Variants in LRTM3 observed in about 807,000 individuals in gnomAD.
LRTM3 encodes the protein leucine-rich repeat transmembrane protein 3.
chr13:102,757,146 G>C, the LRTM3 span, among the ~76,000 whole-genome samples: 6 of 152,154 alleles, frequency 3.9e-5, no homozygotes, highest in Non-Finnish European at 4.4e-5. Context: ...CTGACATGCT[G>C]TAGCTTGTGC....
At chr13:102,742,158 G>A in the LRTM3 span, 7 of 1,550,228 alleles carry the variant, frequency 4.5e-6, no homozygotes, top group East Asian at 4.9e-5. Flanking sequence ...TTTAGAACTC[G>A]ATGTACTGCA....
At chr13:102,730,127 G>T in the LRTM3 span, 2 of 1,549,956 alleles carry the variant, frequency 1.3e-6, no homozygotes, top group South Asian at 1.2e-5. Flanking sequence ...CTTACAGGAA[G>T]GTGGTGTAAT....
the LRTM3 span, among the ~76,000 whole-genome samples, chr13:102,755,931 G>A: frequency 0.76 from 87,207 of 115,024 alleles, 30,331 homozygotes; most frequent in East Asian, 0.85. Context: ...GTGTGTGTGT[G>A]TATATATATA....
chr13:102,738,153 G>C, the LRTM3 span: 4 of 1,550,864 alleles, frequency 2.6e-6, no homozygotes, highest in African/African-American at 5.5e-5. Flanking sequence ...TCCTGTGAAA[G>C]TGCCTTCTTT....
chr13:102,751,342 T>TACACACACACAC, the LRTM3 span, among the ~76,000 whole-genome samples: 21 of 142,114 alleles, frequency 1.5e-4, no homozygotes, highest in South Asian at 2.1e-3. Flanking sequence ...TCTCTCTTTA[T>TACACACACACAC]ACACACACAC....
the LRTM3 span, chr13:102,738,101 T>C: frequency 6.4e-7 from 1 of 1,550,982 alleles, no homozygotes; most frequent in Non-Finnish European, 8.7e-7. Context: ...CTCCTGAGCT[T>C]CTTGATCCAT....
At chr13:102,730,342 TG>T in the LRTM3 span, 1 of 1,551,178 alleles carries the variant, frequency 6.4e-7, no homozygotes. Flanking sequence ...CTTCAAGACA[TG>T]AACACTCGTC....
the LRTM3 span, chr13:102,740,142 TC>T: frequency 6.5e-7 from 1 of 1,548,028 alleles, no homozygotes; most frequent in South Asian, 1.2e-5. Flanking sequence ...TCTATCTTCT[TC>T]CCAAGTCTTA....
At chr13:102,748,246 A>G in the LRTM3 span, 4 of 1,551,032 alleles carry the variant, frequency 2.6e-6, no homozygotes, top group Non-Finnish European at 3.5e-6. Context: ...CCAGTTCCTC[A>G]CTTTCACGTA....
the LRTM3 span, chr13:102,758,769 A>AT: frequency 3.2e-6 from 5 of 1,550,996 alleles, no homozygotes; most frequent in African/African-American, 2.7e-5. Context: ...ACAAGCTTTC[A>AT]TGAGTATTAT....
At chr13:102,734,111 A>T in the LRTM3 span, 1 of 1,551,406 alleles carries the variant, frequency 6.4e-7, no homozygotes, top group Non-Finnish European at 8.7e-7. Context: ...GTTAATATTC[A>T]ACACTAATTC....
the LRTM3 span, chr13:102,743,274 G>T: frequency 6.4e-7 from 1 of 1,550,594 alleles, no homozygotes; most frequent in Non-Finnish European, 8.7e-7. Context: ...TGTGTTGGTT[G>T]TGTATGACTT....
At chr13:102,758,132 GAGTT>G in the LRTM3 span, among the ~76,000 whole-genome samples, 1 of 152,196 alleles carries the variant, frequency 6.6e-6, no homozygotes. Flanking sequence ...GTTGGAGAGA[GAGTT>G]AGAGTAGGAA....
the LRTM3 span, among the ~76,000 whole-genome samples, chr13:102,751,572 CTGTT>C: frequency 1.3e-5 from 2 of 152,158 alleles, no homozygotes; most frequent in African/African-American, 4.8e-5. Flanking sequence ...TCGATAGTCA[CTGTT>C]TGATGCATGA....
chr13:102,745,993 G>C, the LRTM3 span: 2 of 1,551,184 alleles, frequency 1.3e-6, no homozygotes, highest in Admixed American at 3.9e-5. Flanking sequence ...AGCCATCGCT[G>C]TTCTCCAGAG....
At chr13:102,729,470 G>C in the LRTM3 span, 2 of 1,456,746 alleles carry the variant, frequency 1.4e-6, no homozygotes, top group Non-Finnish European at 1.8e-6. Flanking sequence ...AAAAACGGTA[G>C]TAAGGGACCC....
the LRTM3 span, chr13:102,738,789 T>C: frequency 7.1e-6 from 11 of 1,550,298 alleles, no homozygotes; most frequent in African/African-American, 1.4e-5. Context: ...AAAGGTTTGC[T>C]CCAAATCTCA....
At chr13:102,740,059 G>A in the LRTM3 span, 9 of 1,550,018 alleles carry the variant, frequency 5.8e-6, no homozygotes, top group East Asian at 2.4e-5. Flanking sequence ...AAATAGGCAT[G>A]GATGCAGAAA....
At chr13:102,753,685 C>G in the LRTM3 span, among the ~76,000 whole-genome samples, 84 of 152,190 alleles carry the variant, frequency 5.5e-4, no homozygotes, top group African/African-American at 1.9e-3. Flanking sequence ...GCAGCCCCAG[C>G]AATCTACTAC....
Sources: allele counts gnomAD v4.1 joint callset (sites outside exome capture counted in the v4.1 genomes callset), GRCh38; gene constraint gnomAD v4.1.1; transcripts MANE v1.5; gene names NCBI Gene and HGNC (gene_info 2026-07-23, HGNC 2026-07-21).